PRKG1: variants seen among roughly 807,000 people sequenced by gnomAD.
PRKG1 encodes the protein protein kinase cGMP-dependent 1, also known as cGMP-dependent protein kinase 1.
In PRKG1, 35 loss-of-function variants were observed where a neutral mutation model predicts 88.1. The ratio of observed to expected loss-of-function variants is 0.40; its 90% CI spans 0.30 to 0.53. The LOEUF (loss-of-function observed/expected upper bound fraction) is 0.53. PRKG1 is among the 20% of genes least tolerant of loss of function. PRKG1 has a pLI of 0.59. For synonymous variants in PRKG1, 303 were observed against 292.5 expected (o/e 1.04, Z -0.37); for missense variants, 540 against 839.8 (o/e 0.64, Z 4.41).
At chr10:52,242,012 G>C (rs989111513) in intron 9 of PRKG1, 1 of 152,196 alleles carries the variant, frequency 6.6e-6, no homozygotes, top group African/African-American at 2.4e-5. Context: ...CTATGGCAAA[G>C]ATGTCCTCAT....
In PRKG1 at chr10:52,288,848, GGTAA is replaced by G; in HGVS notation, c.1832+4_1832+7del. On this transcript the variant is annotated splice_donor_variant and splice_donor_region_variant and intron_variant, in intron 15 of 17. Transcript: ENST00000373980. LOFTEE classifies it high-confidence loss of function. The stretch of plus-strand genomic sequence containing the variant: ...GCTAATTTAATTAAAAAACTATGCA[GGTAA>G]GTATTTCAACCACATTATTTTTGAA... 1 of 1,599,494 alleles carries G rather than the reference GGTAA, an allele frequency of 6.3e-7. No homozygotes were observed. Among genetic ancestry groups the G allele is most frequent in the Non-Finnish European group, 8.5e-7 (1 of 1,174,700 alleles).
chr10:51,107,920 C>T (rs76274948), intron 1 of PRKG1, among the ~76,000 whole-genome samples: 5,044 of 147,398 alleles, frequency 0.034, 211 homozygotes, highest in African/African-American at 0.1. Flanking sequence ...AGGCATTTTA[C>T]AAATTTCACA....
intron 10 of PRKG1, among the ~76,000 whole-genome samples, chr10:52,263,944 A>G (rs1841499567): frequency 6.6e-6 from 1 of 152,100 alleles, no homozygotes; most frequent in South Asian, 2.1e-4. Flanking sequence ...TTTGTGTTAC[A>G]CTAAATATTT....
chr10:51,406,121 A>T (rs938573317), intron 2 of PRKG1, among the ~76,000 whole-genome samples: 1 of 152,044 alleles, frequency 6.6e-6, no homozygotes, highest in African/African-American at 2.4e-5. Context: ...TGTCTTAATG[A>T]TGTTAACTAC....
At chr10:51,292,281 G>C (rs1840602247) in intron 2 of PRKG1, among the ~76,000 whole-genome samples, 1 of 152,058 alleles carries the variant, frequency 6.6e-6, no homozygotes. Context: ...GAAGAACACT[G>C]TCCACAATCT....
chr10:52,249,963 G>A (rs942703916), intron 9 of PRKG1, among the ~76,000 whole-genome samples: 9 of 152,160 alleles, frequency 5.9e-5, no homozygotes, highest in African/African-American at 1.9e-4. Context: ...TTATCCAGGC[G>A]GCCAGGAAAT....
intron 8 of PRKG1, among the ~76,000 whole-genome samples, chr10:52,139,249 A>G (rs1173061747): frequency 6.6e-6 from 1 of 152,194 alleles, no homozygotes; most frequent in African/African-American, 2.4e-5. Context: ...AACCAGCTCA[A>G]TTAGAGACAA....
chr10:51,648,986 G>A (rs1019974460), intron 3 of PRKG1, among the ~76,000 whole-genome samples: 1 of 152,038 alleles, frequency 6.6e-6, no homozygotes, highest in Non-Finnish European at 1.5e-5. Context: ...GGCGGAACAC[G>A]TAAGTCCAGG....
chr10:51,816,250 T>C (rs562018322), intron 4 of PRKG1, among the ~76,000 whole-genome samples: 2 of 152,144 alleles, frequency 1.3e-5, no homozygotes, highest in Non-Finnish European at 2.9e-5. Context: ...ACTTAATACA[T>C]TGATTCATTA....
intron 2 of PRKG1, among the ~76,000 whole-genome samples, chr10:51,305,287 A>C (rs570830351): frequency 6.6e-6 from 1 of 152,290 alleles, no homozygotes; most frequent in African/African-American, 2.4e-5. Flanking sequence ...AAAGAACAGT[A>C]ACCTTTAAGG....
chr10:52,034,286 T>G, intron 5 of PRKG1, among the ~76,000 whole-genome samples: 2 of 135,610 alleles, frequency 1.5e-5, no homozygotes, highest in African/African-American at 2.8e-5. Context: ...TTTTGGGTGG[T>G]GGTATGGAGA....
rs61072441 is a variant in PRKG1, at chr10:51,117,534, C to T, written c.312-35630C>T. Among the ~76,000 whole-genome samples, 595 of 152,306 alleles carry T rather than the reference C, an allele frequency of 3.9e-3. 2 individuals are homozygous for T. Among genetic ancestry groups the T allele is most frequent in the African/African-American group, 0.014 (575 of 41,580 alleles). On this transcript the variant is annotated intron_variant, in intron 1 of 17. Transcript: ENST00000373980. ...TGGGCATTATTTATGGTGCTTACCA[C>T]GGTTTGTTGAATGCTTACTATGTCC...
At chr10:52,001,474 A>G (rs1201527374) in intron 5 of PRKG1, among the ~76,000 whole-genome samples, 1 of 151,952 alleles carries the variant, frequency 6.6e-6, no homozygotes, top group Non-Finnish European at 1.5e-5. Context: ...TATCCTAAAC[A>G]TATACAACTT....
At chr10:52,238,440 C>A (rs1025508385) in intron 9 of PRKG1, among the ~76,000 whole-genome samples, 1 of 151,428 alleles carries the variant, frequency 6.6e-6, no homozygotes, top group Non-Finnish European at 1.5e-5. Flanking sequence ...GGGCTAATAT[C>A]CAGAATCTAC....
At chr10:51,502,822 T>C (rs1841069832) in intron 3 of PRKG1, among the ~76,000 whole-genome samples, 1 of 152,176 alleles carries the variant, frequency 6.6e-6, no homozygotes, top group African/African-American at 2.4e-5. Flanking sequence ...TCCTTCTCCT[T>C]CTTGAATGAA....
rs1046856672 is a variant in PRKG1, at chr10:52,256,680, C to T, written c.1173+5014C>T. Among the ~76,000 whole-genome samples the T allele has an allele frequency of 5.0e-5, 7 of 139,560 alleles. 2 individuals are homozygous for T. The highest frequency in any genetic ancestry group is 1.7e-4 in the African/African-American group (7 of 40,344). 91.6% of individuals were successfully genotyped at this position (139,560 alleles called of 152,430 possible). A position where few individuals can be genotyped will look rare whatever the true frequency, so the allele number is the denominator to read the frequency against. Reference sequence around the variant, plus strand: ...TTTATTTATCACTTCCAGCTATAAGCATAGAAAAGGAAGGGAATGAAAGTA... The same window carrying T: ...TTTATTTATCACTTCCAGCTATAAGTATAGAAAAGGAAGGGAATGAAAGTA... On this transcript the variant is annotated intron_variant, in intron 10 of 17. Transcript: ENST00000373980.
At chr10:51,950,156 G>A (rs1843149700) in intron 5 of PRKG1, among the ~76,000 whole-genome samples, 2 of 152,182 alleles carry the variant, frequency 1.3e-5, no homozygotes, top group Non-Finnish European at 2.9e-5. Flanking sequence ...GCTTTCAAAT[G>A]TCACAATGCC....
At chr10:51,167,857 G>A (rs945871986) in intron 2 of PRKG1, among the ~76,000 whole-genome samples, 1 of 152,154 alleles carries the variant, frequency 6.6e-6, no homozygotes, top group Non-Finnish European at 1.5e-5. Context: ...TATACATTCA[G>A]ATATATATTC....
intron 7 of PRKG1, among the ~76,000 whole-genome samples, chr10:52,083,481 A>G (rs1175248915): frequency 6.6e-6 from 1 of 152,120 alleles, no homozygotes; most frequent in Non-Finnish European, 1.5e-5. Context: ...ACTTTAGAAC[A>G]GGACCGGAAC....
Sources: allele counts gnomAD v4.1 joint callset (sites outside exome capture counted in the v4.1 genomes callset), GRCh38; gene constraint gnomAD v4.1.1; transcripts MANE v1.5; gene names NCBI Gene and HGNC (gene_info 2026-07-23, HGNC 2026-07-21).